ZFPM1: variants seen among roughly 807,000 people sequenced by gnomAD.
The protein encoded by ZFPM1 is zinc finger protein, FOG family member 1, also known as zinc finger protein ZFPM1.
In ZFPM1, 28 loss-of-function variants were observed where a neutral mutation model predicts 46.3. The observed-to-expected ratio is 0.60, with a 90% CI of 0.45 to 0.83. The LOEUF is 0.83. Among genes scored for constraint, ZFPM1 ranks in the 40% least tolerant of loss-of-function variants. The pLI, the probability that ZFPM1 is intolerant of heterozygous loss-of-function variation, is 0.00. For synonymous variants in ZFPM1, 957 were observed against 675.9 expected, an observed-to-expected ratio of 1.42 and a Z score of -6.45; for missense variants, 1,878 against 1,432.4, an observed-to-expected ratio of 1.31 and a Z score of -5.02.
intron 6 of ZFPM1, 87 bp downstream of exon 6, chr16:88,528,325 A>T: frequency 7.2e-7 from 1 of 1,385,166 alleles, no homozygotes; most frequent in Non-Finnish European, 9.7e-7. Context: ...TGAGGGTGGG[A>T]AGCTCGGGGG....
In ZFPM1 at chr16:88,534,002, C is replaced by A. The variant is rs866216919; in HGVS notation, c.2044C>A (p.Arg682Ser). The A allele has an allele frequency of 7.3e-7, 1 of 1,376,912 alleles. No individual in the cohort carries two copies. Among genetic ancestry groups the A allele is most frequent in the Non-Finnish European group, 9.5e-7 (1 of 1,049,698 alleles). 85.3% of individuals were successfully genotyped at this position (1,376,912 alleles called of 1,614,324 possible). Residue 682 changes from arginine to serine, a missense_variant, in exon 10 of 10, where the codon CGC becomes AGC. Arg to Ser is a moderately radical substitution (Grantham distance 110). Coordinates refer to ENST00000319555, the MANE Select transcript of ZFPM1 (RefSeq NM_153813.3). ...SVDDAEDDPSRTLCEACNIRF... is the reference protein window; with the variant it reads ...SVDDAEDDPSSTLCEACNIRF... ...GGACGACGCGGAGGACGACCCCAGC[C>A]GCACGCTGTGCGAGGCCTGCAACAT...
rs867116551 is a variant in ZFPM1, at chr16:88,533,639, G to A, written c.1681G>A (p.Gly561Ser). 26 of 1,459,448 alleles carry A rather than the reference G, an allele frequency of 1.8e-5. 1 individual carries two copies. The Middle Eastern group carries it at 1.4e-3, about 80-fold the overall frequency. 90.4% of individuals were successfully genotyped at this position (1,459,448 alleles called of 1,614,324 possible). A position where few individuals can be genotyped will look rare whatever the true frequency, so the allele number is the denominator to read the frequency against. ...CCGGCTGCAGCAGGGCGCGGGCGCG[G>A]GCGCCGGCGGCGCGCAGACCGGGCT... is the stretch of plus-strand genomic sequence containing the variant. ...HSRLQQGAGAGAGGAQTGLFP... is the reference protein window; with the variant it reads ...HSRLQQGAGASAGGAQTGLFP... Residue 561 changes from glycine to serine, a missense_variant, in exon 10 of 10, where the codon GGC becomes AGC. Transcript: ENST00000319555.
intron 3 of ZFPM1, among the ~76,000 whole-genome samples, chr16:88,500,472 G>A (rs1395737575): frequency 6.6e-6 from 1 of 152,256 alleles, no homozygotes; most frequent in Non-Finnish European, 1.5e-5. Flanking sequence ...CACCAGCGTG[G>A]GCACCGTGAC....
intron 1 of ZFPM1, among the ~76,000 whole-genome samples, chr16:88,457,905 A>G (rs972137568): frequency 6.6e-6 from 1 of 152,100 alleles, no homozygotes; most frequent in African/African-American, 2.4e-5. Context: ...GCCGTCACCC[A>G]GCTCTGGGCC....
intron 1 of ZFPM1, among the ~76,000 whole-genome samples, chr16:88,472,382 T>C (rs1597233960): frequency 6.8e-6 from 1 of 146,066 alleles, no homozygotes; most frequent in Non-Finnish European, 1.5e-5. Context: ...TGAGACTGAG[T>C]CTCGCTGTGT....
In ZFPM1 at chr16:88,491,380, A is replaced by G. The variant is rs112027562; in HGVS notation, c.268+2227A>G. Among the ~76,000 whole-genome samples, 238 of 152,304 alleles carry G rather than the reference A, an allele frequency of 1.6e-3. 1 individual carries two copies. Among genetic ancestry groups the G allele is most frequent in the African/African-American group, 5.5e-3 (230 of 41,558 alleles). On this transcript the variant is annotated intron_variant, in intron 3 of 9. Transcript: ENST00000319555. ...GGACCCAGTTGGCCACTGGGCAAAC[A>G]GGGTGCTGGGCAGTCCTCACACCAG...
Position 88,536,216 on chromosome 16 carries a change from G to A in ZFPM1, c.*1237G>A, listed in dbSNP as rs1015772850. The A allele has an allele frequency of 5.9e-5, 9 of 152,116 alleles. No individual in the cohort carries two copies. Among genetic ancestry groups the A allele is most frequent in the African/African-American group, 2.2e-4 (9 of 41,412 alleles). The allele number at this position is 152,116 out of a possible 1,614,324, so 9.4% of individuals were successfully genotyped here. A position where few individuals can be genotyped will look rare whatever the true frequency, so the allele number is the denominator to read the frequency against. On this transcript the variant is annotated 3_prime_UTR_variant, in exon 10 of 10. Coordinates refer to ENST00000319555, the MANE Select transcript of ZFPM1 (RefSeq NM_153813.3). ...AGCTAAGGTCTTGTTCGGTTCCCCA[G>A]GCTGAAGTTCAGTGGCACGATCATA... is the stretch of plus-strand genomic sequence containing the variant.
At chr16:88,485,057 T>C (rs3859027) in intron 1 of ZFPM1, among the ~76,000 whole-genome samples, 75,290 of 152,108 alleles carry the variant, frequency 0.49, 20,049 homozygotes, top group African/African-American at 0.7. Context: ...TGGGTGAGGG[T>C]GTCACCCCAG....
intron 1 of ZFPM1, among the ~76,000 whole-genome samples, chr16:88,458,063 T>A (rs1264528471): frequency 6.6e-6 from 1 of 152,202 alleles, no homozygotes; most frequent in African/African-American, 2.4e-5. Flanking sequence ...CCTCTTCTGA[T>A]CACTATTTTA....
In ZFPM1 at chr16:88,471,134, T is replaced by C. The variant is rs913436634; in HGVS notation, c.41-14805T>C. Among the ~76,000 whole-genome samples, 1 of 152,198 alleles carries C rather than the reference T, an allele frequency of 6.6e-6. No individual in the cohort carries two copies. Among genetic ancestry groups the C allele is most frequent in the Non-Finnish European group, 1.5e-5 (1 of 68,020 alleles). On this transcript the variant is annotated intron_variant, in intron 1 of 9. Transcript: ENST00000319555. The surrounding 1 kb of genome is among the most constrained non-coding windows in gnomAD (Gnocchi z 4.1). ...CGGGAGGAGGAAAGCCCAGCTCCCC[T>C]GCAGCCATGATAGATAGACCAGACT...
intron 3 of ZFPM1, among the ~76,000 whole-genome samples, chr16:88,496,866 C>G (rs970460263): frequency 2.6e-5 from 4 of 152,204 alleles, no homozygotes; most frequent in African/African-American, 9.6e-5. Context: ...TGAGTTGGAT[C>G]CCACTCTACA....
chr16:88,526,270 GC>G (rs1462740362), intron 4 of ZFPM1, among the ~76,000 whole-genome samples: 2 of 152,226 alleles, frequency 1.3e-5, no homozygotes, highest in African/African-American at 4.8e-5. Context: ...GGACACTGAG[GC>G]CCGAGGGTTG....
At chr16:88,528,774 G>C (rs1912550277) in intron 6 of ZFPM1, among the ~76,000 whole-genome samples, 1 of 152,130 alleles carries the variant, frequency 6.6e-6, no homozygotes, top group African/African-American at 2.4e-5. Flanking sequence ...GTCTCACTCT[G>C]TTACCCAGGA....
chr16:88,533,877 G>A lies in ZFPM1; in HGVS notation c.1919G>A (p.Gly640Asp), dbSNP rs928817838. 1.6e-4 allele frequency: 162 copies of A among 998,708 alleles called. 1 individual carries two copies. In the African/African-American group the frequency reaches 2.8e-3, roughly 17 times the overall value. The allele number at this position is 998,708 out of a possible 1,614,324, so 61.9% of individuals were successfully genotyped here. A position where few individuals can be genotyped will look rare whatever the true frequency, so the allele number is the denominator to read the frequency against. ...AEPDAPRSSP[G>D]PGAREEGAGG... is the part of the protein sequence containing the mutation. ...CCCGACGCGCCGCGCTCGTCCCCGGGCCCCGGAGCGCGCGAGGAGGGGGCT... is the reference window on the plus strand; with the variant it reads ...CCCGACGCGCCGCGCTCGTCCCCGGACCCCGGAGCGCGCGAGGAGGGGGCT... Residue 640 changes from glycine (G) to aspartate (D), a missense_variant, in exon 10 of 10, where the codon GGC becomes GAC. Physicochemically the swap from Gly to Asp is moderately conservative, Grantham distance 94. Transcript: ENST00000319555.
rs1229876482 is a variant in ZFPM1, at chr16:88,497,234, G to C, written c.268+8081G>C. Among the ~76,000 whole-genome samples, 3 of 152,110 alleles carry C rather than the reference G, an allele frequency of 2.0e-5. No homozygotes were observed. Among genetic ancestry groups the C allele is most frequent in the Admixed American group, 6.5e-5 (1 of 15,284 alleles). On this transcript the variant is annotated intron_variant, in intron 3 of 9. Transcript: ENST00000319555. The surrounding 1 kb of genome is among the most constrained non-coding windows in gnomAD (Gnocchi z 5.4). ...CCCGAGTGTCAGGCTGGGTGTGAGAGATGGGAGGGGCGGCAGGTGGACGGC... is the reference window on the plus strand; with the variant it reads ...CCCGAGTGTCAGGCTGGGTGTGAGACATGGGAGGGGCGGCAGGTGGACGGC...
At position 88,533,684 on chromosome 16, in the gene ZFPM1, G is replaced by A. The variant is rs1174187193; in HGVS notation, c.1726G>A (p.Gly576Ser). The A allele has an allele frequency of 1.3e-6, 2 of 1,499,058 alleles. No individual in the cohort carries two copies. Among genetic ancestry groups the A allele is most frequent in the African/African-American group, 1.5e-5 (1 of 68,376 alleles). The allele number at this position is 1,499,058 out of a possible 1,614,324, so 92.9% of individuals were successfully genotyped here. Residue 576 changes from glycine (G) to serine (S), a missense_variant, in exon 10 of 10, where the codon GGC becomes AGC. Gly to Ser is a moderately conservative substitution (Grantham distance 56). Coordinates refer to ENST00000319555, the MANE Select transcript of ZFPM1 (RefSeq NM_153813.3). ...QTGLFPGAPK[G>S]ATCFECEITF... ...CGGGCTCTTCCCCGGGGCCCCCAAGGGCGCTACGTGCTTCGAGTGCGAGAT... is the reference window on the plus strand; with the variant it reads ...CGGGCTCTTCCCCGGGGCCCCCAAGAGCGCTACGTGCTTCGAGTGCGAGAT...
At chr16:88,507,168 G>A (rs750444937) in intron 3 of ZFPM1, among the ~76,000 whole-genome samples, 75 of 152,286 alleles carry the variant, frequency 4.9e-4, no homozygotes, top group Non-Finnish European at 7.2e-4. Flanking sequence ...AGAGGACCTG[G>A]GCTCGACTCT....
intron 1 of ZFPM1, 41 bp downstream of exon 1, chr16:88,453,719 C>T (rs1297111967): frequency 1.7e-6 from 2 of 1,153,100 alleles, no homozygotes; most frequent in Non-Finnish European, 2.2e-6. Flanking sequence ...GCGCGCCCGA[C>T]CCCCGCCGGA....
intron 4 of ZFPM1, among the ~76,000 whole-genome samples, chr16:88,524,849 G>A (rs1036986137): frequency 2.6e-4 from 40 of 152,338 alleles, no homozygotes; most frequent in Admixed American, 1.5e-3. Context: ...GCAGAGCCCC[G>A]TCTGCAGAGG....
Sources: allele counts gnomAD v4.1 joint callset (sites outside exome capture counted in the v4.1 genomes callset), GRCh38; gene constraint gnomAD v4.1.1; non-coding constraint Gnocchi (gnomAD v3.1); transcripts MANE v1.5; gene names NCBI Gene and HGNC (gene_info 2026-07-23, HGNC 2026-07-21).